Variants in ST8SIA5 observed in about 807,000 individuals in gnomAD.
ST8SIA5 encodes the protein ST8 alpha-N-acetyl-neuraminide alpha-2,8-sialyltransferase 5.
In ST8SIA5, 24 loss-of-function variants were observed where a neutral mutation model predicts 40.2. That is an observed-to-expected ratio of 0.60 (90% CI 0.43 to 0.84). The LOEUF is 0.84. ST8SIA5 is among the 40% of genes least tolerant of loss of function. The pLI is 0.00. For missense variants in ST8SIA5, 465 were observed against 498.5 expected (o/e 0.93, Z 0.64); for synonymous variants, 198 against 201.8 (o/e 0.98, Z 0.16).
chr18:46,695,632 G>A (rs1456683878), intron 2 of ST8SIA5, among the ~76,000 whole-genome samples: 1 of 152,180 alleles, frequency 6.6e-6, no homozygotes, highest in Non-Finnish European at 1.5e-5. Flanking sequence ...ACAGCCCCCT[G>A]TACTTTCCAC....
intron 1 of ST8SIA5, among the ~76,000 whole-genome samples, chr18:46,744,692 A>G (rs551493200): frequency 3.5e-4 from 53 of 152,326 alleles, no homozygotes; most frequent in East Asian, 1.3e-3. Context: ...CAGGACTTGA[A>G]CTCAGCTCTG....
At position 46,678,360 on chromosome 18, in the gene ST8SIA5, TG is replaced by T. The variant is rs1304968984; in HGVS notation, c.*1681del. 1.3e-5 allele frequency: 2 copies of T among 152,742 alleles called. No individual in the cohort carries two copies. The highest frequency in any genetic ancestry group is 4.8e-5 in the African/African-American group (2 of 41,456). 9.5% of individuals were successfully genotyped at this position (152,742 alleles called of 1,614,324 possible). On this transcript the variant is annotated 3_prime_UTR_variant, in exon 7 of 7. Coordinates refer to ENST00000315087, the MANE Select transcript of ST8SIA5 (RefSeq NM_013305.6). ...AAAAGTTTGGCCAAGAACGGAGCCC[TG>T]GATCAGGAGCCTGGAGGCCTGGGAT...
chr18:46,751,645 T>G (rs967289192), intron 1 of ST8SIA5, among the ~76,000 whole-genome samples: 1 of 152,142 alleles, frequency 6.6e-6, no homozygotes, highest in African/African-American at 2.4e-5. Context: ...TCCACCAGCC[T>G]AGGCCTCCCA....
intron 1 of ST8SIA5, among the ~76,000 whole-genome samples, chr18:46,719,924 TG>T (rs1158208774): frequency 2.6e-5 from 4 of 151,450 alleles, no homozygotes; most frequent in Non-Finnish European, 5.9e-5. Flanking sequence ...CTGCAGCCTC[TG>T]CCTCCCAGGT....
chr18:46,709,716 T>C (rs773052506), intron 1 of ST8SIA5, among the ~76,000 whole-genome samples: 13 of 152,208 alleles, frequency 8.5e-5, no homozygotes, highest in African/African-American at 2.9e-4. Context: ...GAATTATATA[T>C]ACGTATGTGA....
At chr18:46,725,107 T>C (rs934614234) in intron 1 of ST8SIA5, among the ~76,000 whole-genome samples, 1 of 152,036 alleles carries the variant, frequency 6.6e-6, no homozygotes, top group Non-Finnish European at 1.5e-5. Context: ...TTACAGCTGA[T>C]GAAATATGCA....
At chr18:46,682,134 G>T in intron 5 of ST8SIA5, 70 bp from the exon 6 acceptor site, 22 of 1,170,152 alleles carry the variant, frequency 1.9e-5, no homozygotes, top group Non-Finnish European at 2.2e-5. Flanking sequence ...GGTGCAGGGG[G>T]AGGGGAGGGA....
rs879415007 is a variant in ST8SIA5 at position 46,686,201 on chromosome 18, T to C, written c.542A>G (p.Glu181Gly). The change falls in exon 5 of 7, where the codon GAG (glutamate) becomes GGG (glycine). Residue 181 changes from glutamate (E) to glycine (G), a missense_variant. Coordinates refer to ENST00000315087, the MANE Select transcript of ST8SIA5 (RefSeq NM_013305.6). Reference sequence around the variant, plus strand: ...GAAGACGAAGTCGGCGCTGTTGATCTCCCTCCCGCAGCGGCTGTTCTTCAA... The same window carrying C: ...GAAGACGAAGTCGGCGCTGTTGATCCCCCTCCCGCAGCGGCTGTTCTTCAA... The part of the protein sequence containing the change: ...GILKNSRCGR[E>G]INSADFVFRC... The C allele has an allele frequency of 6.2e-7, 1 of 1,614,002 alleles. No individual in the cohort carries two copies. Among genetic ancestry groups the C allele is most frequent in the Admixed American group, 1.7e-5 (1 of 60,000 alleles).
At chr18:46,706,450 A>C (rs1342252001) in intron 1 of ST8SIA5, among the ~76,000 whole-genome samples, 1 of 121,928 alleles carries the variant, frequency 8.2e-6, no homozygotes, top group Non-Finnish European at 1.9e-5. Context: ...TGTCTCTTAG[A>C]GCAAATAACA....
intron 1 of ST8SIA5, among the ~76,000 whole-genome samples, chr18:46,722,183 A>C (rs2039870742): frequency 6.6e-6 from 1 of 152,110 alleles, no homozygotes; most frequent in Non-Finnish European, 1.5e-5. Context: ...CGAAGGTGGG[A>C]GTGCACAATG....
rs969381838 is a variant in ST8SIA5 at position 46,675,486 on chromosome 18, C to G, written c.*4556G>C. ...GTTGAGGTCTGAGATGCTGTGCAGA[C>G]ACAGACATGCAGGAGGCCACAGTGA... On this transcript the variant is annotated 3_prime_UTR_variant, in exon 7 of 7. Coordinates refer to ENST00000315087, the MANE Select transcript of ST8SIA5 (RefSeq NM_013305.6). The G allele has an allele frequency of 4.6e-4, 70 of 152,162 alleles. No homozygotes were observed. The highest frequency in any genetic ancestry group is 1.6e-3 in the African/African-American group (65 of 41,436). 9.4% of individuals were successfully genotyped at this position (152,162 alleles called of 1,614,324 possible). A position where few individuals can be genotyped will look rare whatever the true frequency, so the allele number is the denominator to read the frequency against.
At chr18:46,694,220 T>C (rs1864156495) in intron 2 of ST8SIA5, among the ~76,000 whole-genome samples, 1 of 152,208 alleles carries the variant, frequency 6.6e-6, no homozygotes, top group Non-Finnish European at 1.5e-5. Context: ...CAAAGAATTA[T>C]GCATCTTTTT....
intron 1 of ST8SIA5, among the ~76,000 whole-genome samples, chr18:46,727,758 C>T (rs748864148): frequency 9.2e-5 from 14 of 152,246 alleles, no homozygotes; most frequent in Non-Finnish European, 1.8e-4. Flanking sequence ...CCAAGCCCGG[C>T]GTCAGGGCCC....
intron 1 of ST8SIA5, among the ~76,000 whole-genome samples, chr18:46,750,112 C>T (rs1163599729): frequency 1.3e-5 from 2 of 152,146 alleles, no homozygotes; most frequent in South Asian, 2.1e-4. Flanking sequence ...GTAAATCTAA[C>T]AGAAAACATT....
At chr18:46,689,440 C>G (rs888779788) in intron 3 of ST8SIA5, among the ~76,000 whole-genome samples, 4 of 152,218 alleles carry the variant, frequency 2.6e-5, no homozygotes, top group Non-Finnish European at 5.9e-5. Flanking sequence ...TCTGCCCCGA[C>G]CAGTTGTGAG....
At position 46,677,274 on chromosome 18, in the gene ST8SIA5, T is replaced by A. The variant is rs34009866; in HGVS notation, c.*2768A>T. On this transcript the variant is annotated 3_prime_UTR_variant, in exon 7 of 7. Transcript: ENST00000315087. ...AAGACAGAGGTTTGGAGCACAGACTTTGGGGCTCTACAGATCTGGGTGCAG... is the reference window on the plus strand; with the variant it reads ...AAGACAGAGGTTTGGAGCACAGACTATGGGGCTCTACAGATCTGGGTGCAG... 0.16 allele frequency: 10,860 copies of A among 66,108 alleles called. 576 individuals carry two copies. Among genetic ancestry groups the A allele is most frequent in the East Asian group, 0.45 (1,681 of 3,700 alleles). The allele number at this position is 66,108 out of a possible 1,614,324, so 4.1% of individuals were successfully genotyped here.
At position 46,756,676 on chromosome 18, in the gene ST8SIA5, G is replaced by A. The variant is rs1282890809; in HGVS notation, c.-168C>T. ...CTGGTTGGCGCGGCCGGAGCTGGGGGCATCCAAGCGTCGCAGGCGCTGGGG... is the reference window on the plus strand; with the variant it reads ...CTGGTTGGCGCGGCCGGAGCTGGGGACATCCAAGCGTCGCAGGCGCTGGGG... On this transcript the variant is annotated 5_prime_UTR_variant, in exon 1 of 7. Coordinates refer to ENST00000315087, the MANE Select transcript of ST8SIA5 (RefSeq NM_013305.6). 5.3e-6 allele frequency: 4 copies of A among 749,556 alleles called. No homozygotes were observed. The highest frequency in any genetic ancestry group is 3.0e-5 in the East Asian group (1 of 32,826). 46.4% of individuals were successfully genotyped at this position (749,556 alleles called of 1,614,324 possible). A position where few individuals can be genotyped will look rare whatever the true frequency, so the allele number is the denominator to read the frequency against.
rs568646515 is a variant in ST8SIA5 at position 46,746,397 on chromosome 18, A to T, written c.131+9981T>A. Among the ~76,000 whole-genome samples the T allele has an allele frequency of 5.9e-5, 9 of 152,320 alleles. No homozygotes were observed. The East Asian group carries it at 1.5e-3, about 26-fold the overall frequency. ...CAGGATACAAAATCAATCTGCAAAA[A>T]TCACAAGCATTCCTATACACAAATA... On this transcript the variant is annotated intron_variant, in intron 1 of 6. Transcript: ENST00000315087.
In ST8SIA5 at chr18:46,680,405, G is replaced by C. The variant is rs186819997; in HGVS notation, c.768C>G (p.Asp256Glu). The C allele has an allele frequency of 6.8e-6, 11 of 1,613,650 alleles. No individual in the cohort carries two copies. Among genetic ancestry groups the C allele is most frequent in the South Asian group, 1.1e-5 (1 of 91,010 alleles). ...GCACGTACTTGACGCGGATGGACACGTCGGTGTTGCGCGTGTTGTAGAAGG... is the reference window on the plus strand; with the variant it reads ...GCACGTACTTGACGCGGATGGACACCTCGGTGTTGCGCGTGTTGTAGAAGG... ...LPAFYNTRNT[D>E]VSIRVKYVLD... Residue 256 changes from aspartate (D) to glutamate (E), a missense_variant, in exon 7 of 7, where the codon GAC (aspartate) becomes GAG (glutamate). Coordinates refer to ENST00000315087, the MANE Select transcript of ST8SIA5 (RefSeq NM_013305.6).
Sources: gnomAD v4.1 joint callset for allele counts (sites outside exome capture counted in the v4.1 genomes callset) on GRCh38, gnomAD v4.1.1 for gene constraint, MANE v1.5 for transcripts, NCBI Gene and HGNC (gene_info 2026-07-23, HGNC 2026-07-21) for gene names.